Variants in ARHGAP27 observed in about 807,000 individuals in gnomAD.
The protein encoded by ARHGAP27 is rho GTPase-activating protein 27.
A neutral mutation model predicts 102.0 loss-of-function variants in ARHGAP27; 53 were observed. The observed-to-expected ratio is 0.52, with a 90% CI of 0.42 to 0.65. ARHGAP27 has a LOEUF of 0.65. Among genes scored for constraint, ARHGAP27 ranks in the 30% least tolerant of loss-of-function variants. The pLI is 0.00. For synonymous variants in ARHGAP27, 525 were observed against 542.8 expected (o/e 0.97, Z 0.46); for missense variants, 1,117 against 1,256.2 (o/e 0.89, Z 1.68).
At chr17:45,422,221 C>T (rs1457610635) in intron 4 of ARHGAP27, among the ~76,000 whole-genome samples, 3 of 150,172 alleles carry the variant, frequency 2.0e-5, no homozygotes, top group East Asian at 2.0e-4. Flanking sequence ...GCGGGCAACA[C>T]GAAGAAACCC....
chr17:45,405,778 C>T lies in ARHGAP27; in HGVS notation c.963G>A (p.Pro321=). The T allele has an allele frequency of 6.4e-7, 1 of 1,568,938 alleles. No homozygotes were observed. The highest frequency in any genetic ancestry group is 1.1e-5 in the South Asian group (1 of 87,102). ...CCTCCCAGGCCGTCTCGCCCGTCAG[C>T]GGGTTGTAGAAGAACACCCTGCGGC... ...EESRRVFFYN[P]LTGETAWEDE... is the part of the protein sequence containing the mutation. Residue 321 remains proline, a synonymous_variant, in exon 5 of 20, where the codon CCG becomes CCA. Coordinates refer to ENST00000685559, the MANE Select transcript of ARHGAP27 (RefSeq NM_001282290.2).
In ARHGAP27 at chr17:45,430,318, G is replaced by A. The variant is rs1417531087; in HGVS notation, c.-18-21C>T. 6.6e-7 allele frequency: 1 copy of A among 1,525,510 alleles called. No individual in the cohort carries two copies. Among genetic ancestry groups the A allele is most frequent in the Non-Finnish European group, 8.7e-7 (1 of 1,144,662 alleles). The allele number at this position is 1,525,510 out of a possible 1,614,324, so 94.5% of individuals were successfully genotyped here. ...TTTTCCTGCGGGCAACAAGAAGGAG[G>A]GCCGCGGAGGTCAAGACCACCGAGC... is the stretch of plus-strand genomic sequence containing the variant. On this transcript the variant is annotated intron_variant, in intron 3 of 19. Coordinates refer to ENST00000685559, the MANE Select transcript of ARHGAP27 (RefSeq NM_001282290.2). The surrounding 1 kb of genome is among the most constrained non-coding windows in gnomAD (Gnocchi z 4.4).
rs1197482030 is a variant in ARHGAP27, at chr17:45,430,906, G to T, written c.-18-609C>A. ...TGTCGCTGCCCCCCTTAGTCCGAGG[G>T]CCTTGCTGTAGAGGCCTCCGCTGCC... On this transcript the variant is annotated intron_variant, in intron 3 of 19. Transcript: ENST00000685559. This position sits in a 1 kb window ranked among gnomAD's most constrained non-coding sequence, Gnocchi z 4.4. Among the ~76,000 whole-genome samples, 1 of 152,084 alleles carries T rather than the reference G, an allele frequency of 6.6e-6. No individual in the cohort carries two copies. The highest frequency in any genetic ancestry group is 1.5e-5 in the Non-Finnish European group (1 of 68,008).
intron 4 of ARHGAP27, among the ~76,000 whole-genome samples, chr17:45,424,077 G>A (rs1157881983): frequency 2.6e-5 from 4 of 152,190 alleles, no homozygotes; most frequent in Admixed American, 6.5e-5. Context: ...AGACAGACAT[G>A]GAGGCCTGGG....
chr17:45,423,450 C>G lies in ARHGAP27; in HGVS notation c.657+6173G>C, dbSNP rs115393796. On this transcript the variant is annotated intron_variant, in intron 4 of 19. Coordinates refer to ENST00000685559, the MANE Select transcript of ARHGAP27 (RefSeq NM_001282290.2). ...CACCCGGTCCAGAGGGTTTCATGAG[C>G]GGGAACTGTAGAAACCTTTCGAATT... 6.5e-3 allele frequency among the ~76,000 whole-genome samples: 983 copies of G among 152,230 alleles called. 10 individuals carry two copies. The highest frequency in any genetic ancestry group is 0.022 in the African/African-American group (893 of 41,530).
intron 4 of ARHGAP27, chr17:45,429,412 G>A: frequency 1.4e-6 from 2 of 1,384,826 alleles, no homozygotes; most frequent in Non-Finnish European, 1.9e-6. Context: ...CTTCCAGGGA[G>A]CTTTGGAGCT....
In ARHGAP27 at chr17:45,395,849, T is replaced by C. The variant is rs970754070; in HGVS notation, c.2387A>G (p.Lys796Arg). 2.5e-6 allele frequency: 4 copies of C among 1,600,360 alleles called. No homozygotes were observed. Among genetic ancestry groups the C allele is most frequent in the East Asian group, 4.5e-5 (2 of 44,110 alleles). Reference sequence around the variant, plus strand: ...GCTGCGCCGGGCCTGGTCCTGCAACTCTGGGTGAGGGAAGGTTTAGAGGGA... The same window carrying C: ...GCTGCGCCGGGCCTGGTCCTGCAACCCTGGGTGAGGGAAGGTTTAGAGGGA... ...SHFRQFIAAI[K>R]LQDQARRSRC... Residue 796 changes from lysine to arginine, a missense_variant and splice_region_variant, in exon 19 of 20, where the codon AAG (lysine) becomes AGG (arginine). Lys to Arg is a conservative substitution (Grantham distance 26, BLOSUM62 2). Coordinates refer to ENST00000685559, the MANE Select transcript of ARHGAP27 (RefSeq NM_001282290.2).
At chr17:45,400,766 T>G (rs1197754987) in intron 12 of ARHGAP27, among the ~76,000 whole-genome samples, 4 of 151,884 alleles carry the variant, frequency 2.6e-5, no homozygotes, top group Non-Finnish European at 5.9e-5. Flanking sequence ...TACAAAAAAA[T>G]TAGCCGGGTA....
Position 45,397,302 on chromosome 17 carries a change from C to A in ARHGAP27, c.1843-278G>T. 1.5e-5 allele frequency: 20 copies of A among 1,322,212 alleles called. No homozygotes were observed. The South Asian group carries it at 2.5e-4, about 16-fold the overall frequency. The allele number at this position is 1,322,212 out of a possible 1,614,324, so 81.9% of individuals were successfully genotyped here. ...CTGGGGACTCCTACCCACCTGGTGCCTTCTTTCTCTATTTTCCTCAGCTCC... is the reference window on the plus strand; with the variant it reads ...CTGGGGACTCCTACCCACCTGGTGCATTCTTTCTCTATTTTCCTCAGCTCC... On this transcript the variant is annotated intron_variant, in intron 13 of 19. Coordinates refer to ENST00000685559, the MANE Select transcript of ARHGAP27 (RefSeq NM_001282290.2).
chr17:45,396,103 G>A lies in ARHGAP27; in HGVS notation c.2266C>T (p.Leu756=), dbSNP rs1272245701. 1.9e-6 allele frequency: 3 copies of A among 1,612,494 alleles called. No individual in the cohort carries two copies. Among genetic ancestry groups the A allele is most frequent in the South Asian group, 1.1e-5 (1 of 90,940 alleles). ...ACGTCCTCCCAGCGCCCGTCATCCA[G>A]GTCAAGGCGCTCATCTGTGGCGGAG... The part of the protein sequence containing the change: ...YKVDHDERLD[L]DDGRWEDVHV... The change falls in exon 18 of 20, where the codon CTG becomes TTG. Residue 756 remains leucine (L), a synonymous_variant. Transcript: ENST00000685559.
At chr17:45,417,508 T>G (rs2048586194) in intron 4 of ARHGAP27, among the ~76,000 whole-genome samples, 1 of 151,910 alleles carries the variant, frequency 6.6e-6, no homozygotes, top group Non-Finnish European at 1.5e-5. Flanking sequence ...GGCTCACACC[T>G]GTAATCCCAG....
Position 45,396,206 on chromosome 17 carries a change from C to T in ARHGAP27, c.2251+1G>A. 1 of 1,609,116 alleles carries T rather than the reference C, an allele frequency of 6.2e-7. No individual in the cohort carries two copies. Among genetic ancestry groups the T allele is most frequent in the Non-Finnish European group, 8.5e-7 (1 of 1,177,052 alleles). On this transcript the variant is annotated splice_donor_variant, in intron 17 of 19. Transcript: ENST00000685559. LOFTEE classifies it high-confidence loss of function. ...GGGCAGGGGTTGGGGACGGGCCTCACCGTGGTCCACCTTATAGCGTAGCTT... is the reference window on the plus strand; with the variant it reads ...GGGCAGGGGTTGGGGACGGGCCTCATCGTGGTCCACCTTATAGCGTAGCTT...
intron 4 of ARHGAP27, among the ~76,000 whole-genome samples, chr17:45,418,771 G>T (rs1361186843): frequency 1.3e-5 from 2 of 152,048 alleles, no homozygotes; most frequent in Non-Finnish European, 2.9e-5. Flanking sequence ...GGGGCAGGCT[G>T]GCCCATCATG....
At chr17:45,424,004 C>T (rs970941955) in intron 4 of ARHGAP27, among the ~76,000 whole-genome samples, 1 of 152,218 alleles carries the variant, frequency 6.6e-6, no homozygotes, top group African/African-American at 2.4e-5. Flanking sequence ...AAGGGGGAGG[C>T]TGGGATGATT....
intron 4 of ARHGAP27, among the ~76,000 whole-genome samples, chr17:45,418,953 G>A (rs2048748926): frequency 6.6e-6 from 1 of 152,150 alleles, no homozygotes; most frequent in Non-Finnish European, 1.5e-5. Context: ...CAGGCCCACT[G>A]GCAGAGACCA....
In ARHGAP27 at chr17:45,397,041, T is replaced by C; in HGVS notation, c.1843-17A>G. The C allele has an allele frequency of 6.2e-7, 1 of 1,600,870 alleles. No individual in the cohort carries two copies. Among genetic ancestry groups the C allele is most frequent in the Non-Finnish European group, 8.5e-7 (1 of 1,179,588 alleles). ...CTCTGCGGACTGGATTCCCATAGCCTCAGAGAGGCGGGGCCTTGAGCCAGC... is the reference window on the plus strand; with the variant it reads ...CTCTGCGGACTGGATTCCCATAGCCCCAGAGAGGCGGGGCCTTGAGCCAGC... On this transcript the variant is annotated splice_polypyrimidine_tract_variant and intron_variant, in intron 13 of 19. Transcript: ENST00000685559.
chr17:45,429,993 C>A lies in ARHGAP27; in HGVS notation c.287G>T (p.Arg96Leu). ...CGCGGTCGCCGCCGCGCTCACAAAC[C>A]GGTAGTCGTAGGCGAGCGGCTCAGG... ...AAPEPLAYDY[R>L]FVSAAATAGP... The change falls in exon 4 of 20, where the codon CGG (arginine) becomes CTG (leucine). Residue 96 changes from arginine (R) to leucine (L), a missense_variant. Transcript: ENST00000685559. 1 of 1,177,696 alleles carries A rather than the reference C, an allele frequency of 8.5e-7. No homozygotes were observed. The highest frequency in any genetic ancestry group is 1.0e-6 in the Non-Finnish European group (1 of 955,028). The allele number at this position is 1,177,696 out of a possible 1,614,324, so 73.0% of individuals were successfully genotyped here. A position where few individuals can be genotyped will look rare whatever the true frequency, so the allele number is the denominator to read the frequency against.
chr17:45,395,418 G>A lies in ARHGAP27; in HGVS notation c.*38C>T, dbSNP rs1567683853. The A allele has an allele frequency of 6.5e-7, 1 of 1,530,138 alleles. No homozygotes were observed. The highest frequency in any genetic ancestry group is 1.2e-5 in the South Asian group (1 of 81,210). 94.8% of individuals were successfully genotyped at this position (1,530,138 alleles called of 1,614,324 possible). On this transcript the variant is annotated 3_prime_UTR_variant, in exon 20 of 20. Coordinates refer to ENST00000685559, the MANE Select transcript of ARHGAP27 (RefSeq NM_001282290.2). ...TGGCCTCCGCCGCCCAGCTTGTGTG[G>A]CAGGACCGCGGCCGCCGCCCCAGTC...
At chr17:45,417,166 A>C (rs571045459) in intron 4 of ARHGAP27, among the ~76,000 whole-genome samples, 32 of 150,068 alleles carry the variant, frequency 2.1e-4, no homozygotes, top group South Asian at 4.2e-4. Flanking sequence ...CAAAAAAAAA[A>C]ACAAAAATTA....
Sources: allele counts gnomAD v4.1 joint callset (sites outside exome capture counted in the v4.1 genomes callset), GRCh38; gene constraint gnomAD v4.1.1; non-coding constraint Gnocchi (gnomAD v3.1); transcripts MANE v1.5; gene names NCBI Gene and HGNC (gene_info 2026-07-23, HGNC 2026-07-21).